Variants in ERBB4 observed in about 807,000 individuals in gnomAD.
ERBB4 encodes receptor tyrosine-protein kinase erbB-4.
In ERBB4, 42 loss-of-function variants were observed where a neutral mutation model predicts 158.0. The ratio of observed to expected loss-of-function variants is 0.27; its 90% CI spans 0.21 to 0.34. The LOEUF (loss-of-function observed/expected upper bound fraction) is 0.34, where lower values mean the gene tolerates loss of function less well. Among genes scored for constraint, ERBB4 ranks in the 10% least tolerant of loss-of-function variants. The pLI is 1.00. For synonymous variants in ERBB4, 583 were observed against 558.7 expected, an observed-to-expected ratio of 1.04 and a Z score of -0.61; for missense variants, 1,333 against 1,624.1, an observed-to-expected ratio of 0.82 and a Z score of 3.08.
At chr2:212,311,205 T>G (rs935266419) in intron 1 of ERBB4, among the ~76,000 whole-genome samples, 11 of 150,868 alleles carry the variant, frequency 7.3e-5, no homozygotes, top group Non-Finnish European at 1.5e-4. Flanking sequence ...GTCATCAAAT[T>G]TTTATATCCA....
intron 3 of ERBB4, among the ~76,000 whole-genome samples, chr2:211,902,751 T>C (rs1050397239): frequency 6.6e-6 from 1 of 151,756 alleles, no homozygotes; most frequent in Admixed American, 6.6e-5. Context: ...TATATACTTA[T>C]CAGACTATTT....
At chr2:212,523,162 T>G (rs1692265940) in intron 1 of ERBB4, among the ~76,000 whole-genome samples, 1 of 151,980 alleles carries the variant, frequency 6.6e-6, no homozygotes, top group South Asian at 2.1e-4. Flanking sequence ...AGGTCTACTT[T>G]ATTTGTAATT....
At chr2:211,613,797 G>T (rs536367822) in intron 19 of ERBB4, among the ~76,000 whole-genome samples, 8 of 152,118 alleles carry the variant, frequency 5.3e-5, no homozygotes, top group Non-Finnish European at 4.4e-5. Context: ...TGAGGAAAAG[G>T]GAACCCTCAT....
intron 2 of ERBB4, among the ~76,000 whole-genome samples, chr2:212,071,483 A>G (rs1009752694): frequency 1.3e-5 from 2 of 151,922 alleles, no homozygotes; most frequent in African/African-American, 4.8e-5. Context: ...TTTTTCAAGA[A>G]TATTTGAATA....
chr2:211,763,818 A>T (rs2075477069), intron 4 of ERBB4, among the ~76,000 whole-genome samples: 1 of 151,846 alleles, frequency 6.6e-6, no homozygotes, highest in Non-Finnish European at 1.5e-5. Flanking sequence ...ACAGCCCAAG[A>T]CTCATCGTAT....
At chr2:212,403,855 G>A (rs1048679295) in intron 1 of ERBB4, among the ~76,000 whole-genome samples, 10 of 151,952 alleles carry the variant, frequency 6.6e-5, no homozygotes, top group Non-Finnish European at 1.5e-4. Flanking sequence ...CTCATGTTGT[G>A]TTCTTACTAC....
At chr2:212,063,611 T>C (rs770638035) in intron 2 of ERBB4, among the ~76,000 whole-genome samples, 2 of 151,104 alleles carry the variant, frequency 1.3e-5, no homozygotes, top group South Asian at 2.1e-4. Context: ...CCAGCAACCA[T>C]AGGGAAAAAA....
chr2:211,531,895 T>C (rs2066510286), intron 20 of ERBB4, among the ~76,000 whole-genome samples: 1 of 152,040 alleles, frequency 6.6e-6, no homozygotes, highest in Non-Finnish European at 1.5e-5. Context: ...TAGTCAAGAT[T>C]TGGAAGCAAC....
At chr2:211,542,487 C>G (rs141977418) in intron 20 of ERBB4, among the ~76,000 whole-genome samples, 2 of 152,066 alleles carry the variant, frequency 1.3e-5, no homozygotes, top group East Asian at 3.9e-4. Context: ...TGTTTAGGCT[C>G]TTTTCTATGG....
At position 211,377,343 on chromosome 2, in the gene ERBB4, C is replaced by T. The variant is rs2062493643; in HGVS notation, c.*6272G>A. On this transcript the variant is annotated 3_prime_UTR_variant, in exon 28 of 28. Transcript: ENST00000342788. Reference sequence around the variant, plus strand: ...AGCAGTAAAGGCAAAGTGGTTTGGACAAGTTAGACTATTGCCTACAGGTAT... The same window carrying T: ...AGCAGTAAAGGCAAAGTGGTTTGGATAAGTTAGACTATTGCCTACAGGTAT... 1 of 231,972 alleles carries T rather than the reference C, an allele frequency of 4.3e-6. No individual in the cohort carries two copies. The highest frequency in any genetic ancestry group is 2.2e-5 in the African/African-American group (1 of 45,202). The allele number at this position is 231,972 out of a possible 1,614,324, so 14.4% of individuals were successfully genotyped here.
chr2:211,929,441 C>T (rs2080112818), intron 3 of ERBB4, among the ~76,000 whole-genome samples: 1 of 151,678 alleles, frequency 6.6e-6, no homozygotes, highest in African/African-American at 2.4e-5. Context: ...CAAGACAGAC[C>T]CTAGAGCAAT....
intron 12 of ERBB4, among the ~76,000 whole-genome samples, chr2:211,683,784 G>T (rs2072453233): frequency 6.7e-6 from 1 of 150,000 alleles, no homozygotes. Flanking sequence ...TTTCTAGAGT[G>T]ATTGTACCAT....
chr2:211,746,104 C>A (rs2074964066), intron 5 of ERBB4, among the ~76,000 whole-genome samples: 1 of 152,110 alleles, frequency 6.6e-6, no homozygotes, highest in South Asian at 2.1e-4. Flanking sequence ...TAATAAAGTT[C>A]TATGTTAACT....
intron 1 of ERBB4, among the ~76,000 whole-genome samples, chr2:212,297,872 G>C (rs964688471): frequency 4.6e-5 from 7 of 151,564 alleles, no homozygotes; most frequent in African/African-American, 1.7e-4. Flanking sequence ...AATACTACAT[G>C]AAAAACTGAT....
intron 27 of ERBB4, among the ~76,000 whole-genome samples, chr2:211,386,014 A>G (rs2062676857): frequency 6.6e-6 from 1 of 152,208 alleles, no homozygotes; most frequent in African/African-American, 2.4e-5. Flanking sequence ...TCTAAATTTT[A>G]CTTTAAAGGA....
At chr2:211,959,146 C>T (rs1017234050) in intron 2 of ERBB4, among the ~76,000 whole-genome samples, 4 of 152,074 alleles carry the variant, frequency 2.6e-5, no homozygotes, top group Admixed American at 6.6e-5. Flanking sequence ...TACATCTATT[C>T]ATCCTTCCAG....
rs531963360 is a variant in ERBB4, at chr2:211,497,002, T to C, written c.2487+64901A>G. 2.6e-4 allele frequency among the ~76,000 whole-genome samples: 40 copies of C among 152,238 alleles called. No individual in the cohort carries two copies. The South Asian group carries it at 7.9e-3, about 30-fold the overall frequency. ...AAACATAAACTCCAAGAAGGAAGAA[T>C]GCATTTGTCTGCTGTGTACCCCCAG... On this transcript the variant is annotated intron_variant, in intron 20 of 27. Coordinates refer to ENST00000342788, the MANE Select transcript of ERBB4 (RefSeq NM_005235.3).
intron 19 of ERBB4, among the ~76,000 whole-genome samples, chr2:211,589,335 C>G (rs2068390879): frequency 6.6e-6 from 1 of 152,086 alleles, no homozygotes; most frequent in African/African-American, 2.4e-5. Context: ...GAAAATGTAT[C>G]AGCCTGAAGA....
At chr2:212,278,406 T>C (rs1181397644) in intron 1 of ERBB4, among the ~76,000 whole-genome samples, 3 of 151,692 alleles carry the variant, frequency 2.0e-5, no homozygotes, top group Non-Finnish European at 4.4e-5. Context: ...GATGGATGGG[T>C]AAAATTCTAT....
Sources: allele counts gnomAD v4.1 joint callset (sites outside exome capture counted in the v4.1 genomes callset), GRCh38; gene constraint gnomAD v4.1.1; transcripts MANE v1.5; gene names NCBI Gene and HGNC (gene_info 2026-07-23, HGNC 2026-07-21).